The following NEGR1 variants were observed in gnomAD, a reference collection of about 807,000 sequenced individuals.
NEGR1 encodes neuronal growth regulator 1.
A neutral mutation model predicts 40.9 loss-of-function variants in NEGR1; 10 were observed. The observed-to-expected ratio is 0.24, with a 90% CI of 0.15 to 0.42. The LOEUF (loss-of-function observed/expected upper bound fraction) is 0.42, where lower values mean the gene tolerates loss of function less well. Among genes scored for constraint, NEGR1 ranks in the 10% least tolerant of loss-of-function variants. The pLI is 1.00. For missense variants in NEGR1, 352 were observed against 438.9 expected (o/e 0.80, Z 1.77); for synonymous variants, 185 against 166.8 (o/e 1.11, Z -0.84).
intron 4 of NEGR1, among the ~76,000 whole-genome samples, chr1:71,694,421 C>T (rs918287487): frequency 7.9e-5 from 12 of 151,806 alleles, no homozygotes; most frequent in African/African-American, 2.7e-4. Flanking sequence ...TATCCCCCTA[C>T]TTAGAAATAA....
intron 1 of NEGR1, among the ~76,000 whole-genome samples, chr1:72,276,140 T>C (rs980432818): frequency 3.3e-5 from 5 of 152,024 alleles, no homozygotes; most frequent in Non-Finnish European, 7.4e-5. Context: ...GTGATGTCTA[T>C]ACTGTTCTAA....
chr1:71,975,161 C>T (rs967969391), intron 1 of NEGR1, among the ~76,000 whole-genome samples: 1 of 152,114 alleles, frequency 6.6e-6, no homozygotes, highest in Non-Finnish European at 1.5e-5. Context: ...ATTTCAAATG[C>T]ATTCCTATGG....
At chr1:72,279,963 G>A (rs1447278039) in intron 1 of NEGR1, among the ~76,000 whole-genome samples, 2 of 152,148 alleles carry the variant, frequency 1.3e-5, no homozygotes, top group East Asian at 3.8e-4. Flanking sequence ...TAAAAGTAAT[G>A]CAGTTCAAAT....
At chr1:72,066,301 C>T (rs367569333) in intron 1 of NEGR1, among the ~76,000 whole-genome samples, 1 of 152,112 alleles carries the variant, frequency 6.6e-6, no homozygotes, top group African/African-American at 2.4e-5. Context: ...CAAAGCTACA[C>T]TACTCATTAA....
At chr1:71,942,452 A>AATCTATATATATATATCTATAT (rs1289550009) in intron 1 of NEGR1, among the ~76,000 whole-genome samples, 1 of 34,262 alleles carries the variant, frequency 2.9e-5, no homozygotes, top group African/African-American at 9.5e-5. Flanking sequence ...AAATTCTTTA[A>AATCTATATATATATATCTATAT]ATCTATATAT....
At chr1:71,604,880 T>C (rs1329976789) in intron 5 of NEGR1, among the ~76,000 whole-genome samples, 1 of 152,190 alleles carries the variant, frequency 6.6e-6, no homozygotes, top group Non-Finnish European at 1.5e-5. Flanking sequence ...AGGCCAAGTT[T>C]GAAATATGTT....
At chr1:71,722,560 C>CA (rs1353224469) in intron 3 of NEGR1, among the ~76,000 whole-genome samples, 1 of 151,870 alleles carries the variant, frequency 6.6e-6, no homozygotes, top group African/African-American at 2.4e-5. Context: ...TGTGTAACAG[C>CA]AAAAAACAAT....
At chr1:71,632,973 A>G (rs1651025005) in intron 4 of NEGR1, among the ~76,000 whole-genome samples, 2 of 152,100 alleles carry the variant, frequency 1.3e-5, no homozygotes, top group Admixed American at 1.3e-4. Context: ...TTTCTGAATA[A>G]TTGCTGTTAT....
intron 6 of NEGR1, among the ~76,000 whole-genome samples, chr1:71,539,068 A>G (rs916355232): frequency 1.3e-5 from 2 of 151,772 alleles, no homozygotes; most frequent in Admixed American, 6.6e-5. Flanking sequence ...CTTACTTAGC[A>G]TCAAATCCTG....
chr1:72,036,791 G>GA lies in NEGR1; in HGVS notation c.177-101481dup, dbSNP rs894507430. On this transcript the variant is annotated intron_variant, in intron 1 of 6. Transcript: ENST00000357731. ...TACATATATATATGAATTACATATAGAAAAAAAGGACACTGTAAATAGGCC... is the reference window on the plus strand; with the variant it reads ...TACATATATATATGAATTACATATAGAAAAAAAAGGACACTGTAAATAGGCC... Among the ~76,000 whole-genome samples, 46 of 151,534 alleles carry GA rather than the reference G, an allele frequency of 3.0e-4. 1 individual carries two copies. Among genetic ancestry groups the GA allele is most frequent in the East Asian group, 1.9e-4 (1 of 5,152 alleles).
chr1:71,750,101 C>G (rs1179314642), intron 3 of NEGR1, among the ~76,000 whole-genome samples: 1 of 151,580 alleles, frequency 6.6e-6, no homozygotes, highest in Non-Finnish European at 1.5e-5. Context: ...TCACGCCATT[C>G]TCCTGCCTCA....
chr1:72,051,577 A>G (rs904841068), intron 1 of NEGR1, among the ~76,000 whole-genome samples: 1 of 151,520 alleles, frequency 6.6e-6, no homozygotes, highest in Non-Finnish European at 1.5e-5. Context: ...ACTACAATGG[A>G]CAGTGACATC....
intron 1 of NEGR1, among the ~76,000 whole-genome samples, chr1:72,084,199 C>T (rs1271920294): frequency 6.6e-6 from 1 of 152,092 alleles, no homozygotes; most frequent in Non-Finnish European, 1.5e-5. Context: ...CTACCCATCC[C>T]CATTTTCAGC....
chr1:72,201,680 G>C (rs1361453738), intron 1 of NEGR1, among the ~76,000 whole-genome samples: 1 of 151,746 alleles, frequency 6.6e-6, no homozygotes, highest in Admixed American at 6.6e-5. Context: ...GGTGGGGGGG[G>C]TGGAAGTGTC....
chr1:71,737,872 T>A (rs1489552534), intron 3 of NEGR1, among the ~76,000 whole-genome samples: 1 of 152,142 alleles, frequency 6.6e-6, no homozygotes, highest in African/African-American at 2.4e-5. Flanking sequence ...AATTTTAGGA[T>A]CTCTCTGGCT....
chr1:72,258,082 G>C lies in NEGR1; in HGVS notation c.176+24237C>G, dbSNP rs541539427. Among the ~76,000 whole-genome samples, 362 of 152,216 alleles carry C rather than the reference G, an allele frequency of 2.4e-3. 2 individuals carry two copies. Among genetic ancestry groups the C allele is most frequent in the African/African-American group, 8.4e-3 (351 of 41,550 alleles). ...CCTTCCCTAATCTCCATTCATGCCG[G>C]TATTCTTAATTTGTGTTCCATGAAT... is the stretch of plus-strand genomic sequence containing the variant. On this transcript the variant is annotated intron_variant, in intron 1 of 6. Transcript: ENST00000357731.
chr1:71,868,343 G>A (rs1478311527), intron 2 of NEGR1, among the ~76,000 whole-genome samples: 4 of 151,998 alleles, frequency 2.6e-5, no homozygotes, highest in Non-Finnish European at 5.9e-5. Flanking sequence ...CCATTCCAAT[G>A]TCTTCTAACA....
rs537294225 is a variant in NEGR1 at position 71,599,438 on chromosome 1, G to A, written c.789-6470C>T. Among the ~76,000 whole-genome samples, 10 of 152,266 alleles carry A rather than the reference G, an allele frequency of 6.6e-5. No individual in the cohort carries two copies. The East Asian group carries it at 1.7e-3, about 26-fold the overall frequency. On this transcript the variant is annotated intron_variant, in intron 5 of 6. Transcript: ENST00000357731. The stretch of plus-strand genomic sequence containing the variant: ...AGCTTTTCACAGATTTAACAAAAAA[G>A]AAAAGTGAAAGGGAGGAGGAGGAGC...
chr1:72,243,462 CT>C (rs1654811803), intron 1 of NEGR1, among the ~76,000 whole-genome samples: 1 of 151,754 alleles, frequency 6.6e-6, no homozygotes, highest in Non-Finnish European at 1.5e-5. Flanking sequence ...TGTGACAAAT[CT>C]GCACATGTAC....
Sources: allele counts gnomAD v4.1 joint callset (sites outside exome capture counted in the v4.1 genomes callset), GRCh38; gene constraint gnomAD v4.1.1; transcripts MANE v1.5; gene names NCBI Gene and HGNC (gene_info 2026-07-23, HGNC 2026-07-21).